The following EHBP1 variants were observed in gnomAD, a reference collection of about 807,000 sequenced individuals.
EHBP1 encodes EH domain binding protein 1.
In EHBP1, 55 loss-of-function variants were observed where a neutral mutation model predicts 144.0. The observed-to-expected ratio is 0.38, with a 90% confidence interval of 0.31 to 0.48. The LOEUF (loss-of-function observed/expected upper bound fraction) is 0.48. Ranked by LOEUF, EHBP1 falls within the 20% of genes least tolerant of loss-of-function variation. The pLI, the probability that EHBP1 is intolerant of heterozygous loss-of-function variation, is 0.98. For missense variants in EHBP1, 1,200 were observed against 1,364.2 expected, an observed-to-expected ratio of 0.88 and a Z score of 1.90; for synonymous variants, 469 against 472.7, an observed-to-expected ratio of 0.99 and a Z score of 0.10.
chr2:62,775,759 A>T (rs979232252), intron 5 of EHBP1, among the ~76,000 whole-genome samples: 1 of 152,210 alleles, frequency 6.6e-6, no homozygotes, highest in Non-Finnish European at 1.5e-5. Flanking sequence ...TGTGAGTCAG[A>T]TATAACCCTA....
In EHBP1 at chr2:63,045,502, C is replaced by CTA; in HGVS notation, c.*2_*3insTA. ...GAGGAGAAATGTGTTCTTCAGTAGC[C>CTA]ATCAGATCAGAAAGAATCTCTCCCA... On this transcript the variant is annotated 3_prime_UTR_variant, in exon 23 of 23. Coordinates refer to ENST00000431489, the MANE Select transcript of EHBP1 (RefSeq NM_001142616.3). The surrounding 1 kb of genome is among the most constrained non-coding windows in gnomAD (Gnocchi z 5.7). The CTA allele has an allele frequency of 1.2e-6, 2 of 1,610,214 alleles. No individual in the cohort carries two copies. Among genetic ancestry groups the CTA allele is most frequent in the Non-Finnish European group, 1.7e-6 (2 of 1,177,174 alleles).
chr2:63,039,718 T>C (rs1327023075), intron 21 of EHBP1, among the ~76,000 whole-genome samples: 1 of 152,200 alleles, frequency 6.6e-6, no homozygotes, highest in Non-Finnish European at 1.5e-5. Flanking sequence ...AGTGAAGCCT[T>C]ATATTCTTAA....
chr2:62,754,789 G>T (rs778171749), intron 3 of EHBP1, among the ~76,000 whole-genome samples: 10 of 152,364 alleles, frequency 6.6e-5, no homozygotes, highest in African/African-American at 1.4e-4. Flanking sequence ...CTCCGAGCCA[G>T]GAGCGGGATA....
At chr2:63,043,852 A>C (rs554082670) in intron 21 of EHBP1, 1 of 126,254 alleles carries the variant, frequency 7.9e-6, no homozygotes, top group Non-Finnish European at 1.5e-5. Flanking sequence ...AAAGGATTGC[A>C]CTTCTCTCTG....
intron 10 of EHBP1, among the ~76,000 whole-genome samples, chr2:62,879,401 A>G (rs1233798998): frequency 6.6e-6 from 1 of 152,212 alleles, no homozygotes; most frequent in Non-Finnish European, 1.5e-5. Flanking sequence ...TTGCTGCTCC[A>G]AAGCTCCTAG....
intron 21 of EHBP1, among the ~76,000 whole-genome samples, chr2:63,040,908 T>G (rs1438293614): frequency 6.6e-6 from 1 of 152,210 alleles, no homozygotes; most frequent in African/African-American, 2.4e-5. Flanking sequence ...TTTTTAAGTG[T>G]TAACACACCA....
rs1172301081 is a variant in EHBP1, at chr2:62,696,637, C to A, written c.-295-10260C>A. 1.3e-5 allele frequency among the ~76,000 whole-genome samples: 2 copies of A among 150,642 alleles called. 1 individual carries two copies. Among genetic ancestry groups the A allele is most frequent in the African/African-American group, 4.9e-5 (2 of 41,024 alleles). The stretch of plus-strand genomic sequence containing the variant: ...CATGCCATTCTCCTGCCTCAGCCTG[C>A]CAAGTAGCTGGGACTACAGGCGCCA... On this transcript the variant is annotated intron_variant, in intron 1 of 22. Coordinates refer to the EHBP1 transcript ENST00000405015.
At chr2:62,844,605 T>G (rs1481504176) in intron 7 of EHBP1, among the ~76,000 whole-genome samples, 1 of 152,138 alleles carries the variant, frequency 6.6e-6, no homozygotes, top group African/African-American at 2.4e-5. Flanking sequence ...ATGATCATCT[T>G]TGGAATTCAT....
chr2:62,961,963 C>T (rs1435400109), intron 14 of EHBP1, among the ~76,000 whole-genome samples: 1 of 151,426 alleles, frequency 6.6e-6, no homozygotes, highest in Non-Finnish European at 1.5e-5. Context: ...GGGAGGCGAA[C>T]GTTGCAATGA....
intron 10 of EHBP1, among the ~76,000 whole-genome samples, chr2:62,912,966 A>C: frequency 6.6e-6 from 1 of 152,186 alleles, no homozygotes; most frequent in East Asian, 1.9e-4. Context: ...AGAGATGCCA[A>C]GTGTGGATAA....
At position 62,948,552 on chromosome 2, in the gene EHBP1, C is replaced by A; in HGVS notation, c.1706C>A (p.Ala569Glu). 1 of 1,614,080 alleles carries A rather than the reference C, an allele frequency of 6.2e-7. No individual in the cohort carries two copies. The highest frequency in any genetic ancestry group is 2.2e-5 in the East Asian group (1 of 44,860). ...EPELQQPISG[A>E]VDFLSQDDSV... ...GAACTACAACAGCCTATCAGCGGAG[C>A]AGTAGACTTCTTATCACAGGATGAC... The change falls in exon 13 of 23, where the codon GCA becomes GAA. Residue 569 changes from alanine (A) to glutamate (E), a missense_variant. Coordinates refer to ENST00000431489, the MANE Select transcript of EHBP1 (RefSeq NM_001142616.3).
intron 10 of EHBP1, among the ~76,000 whole-genome samples, chr2:62,900,688 A>C (rs2053338563): frequency 6.7e-6 from 1 of 149,964 alleles, no homozygotes; most frequent in South Asian, 2.1e-4. Context: ...GTATGTGTAT[A>C]TATATATATA....
At chr2:62,896,844 C>A (rs186259005) in intron 10 of EHBP1, among the ~76,000 whole-genome samples, 2 of 152,142 alleles carry the variant, frequency 1.3e-5, no homozygotes, top group African/African-American at 4.8e-5. Context: ...TGAAACCTCT[C>A]TGGTTAAAGT....
At chr2:62,890,952 G>A (rs1373510267) in intron 10 of EHBP1, among the ~76,000 whole-genome samples, 1 of 152,124 alleles carries the variant, frequency 6.6e-6, no homozygotes, top group Non-Finnish European at 1.5e-5. Context: ...GGCTGAGGCA[G>A]GTAGATCACA....
intron 14 of EHBP1, among the ~76,000 whole-genome samples, chr2:62,978,084 T>A (rs1482181681): frequency 6.6e-6 from 1 of 152,132 alleles, no homozygotes; most frequent in African/African-American, 2.4e-5. Flanking sequence ...TGCAAAGATA[T>A]GTTGGGGCCA....
rs557655634 is a variant in EHBP1 at position 62,687,936 on chromosome 2, A to G, written c.-296+13853A>G. Among the ~76,000 whole-genome samples the G allele has an allele frequency of 9.2e-5, 14 of 152,272 alleles. No homozygotes were observed. In the South Asian group the frequency reaches 2.5e-3, roughly 27 times the overall value. On this transcript the variant is annotated intron_variant, in intron 1 of 22. Transcript: ENST00000405015. The stretch of plus-strand genomic sequence containing the variant: ...AGCTGATAGGTGGCTTCTTTACCAT[A>G]CTGGATAAGTACATTAACTATCAGA...
chr2:62,750,829 AT>A (rs2039625724), intron 3 of EHBP1, among the ~76,000 whole-genome samples: 1 of 152,108 alleles, frequency 6.6e-6, no homozygotes, highest in Non-Finnish European at 1.5e-5. Context: ...TTGCGCATTG[AT>A]TTTGTGTCCT....
At chr2:62,806,171 A>T (rs1232825295) in intron 5 of EHBP1, among the ~76,000 whole-genome samples, 1 of 151,784 alleles carries the variant, frequency 6.6e-6, no homozygotes, top group Non-Finnish European at 1.5e-5. Flanking sequence ...TTTTGTAGAG[A>T]CAGGGTCTCA....
chr2:62,979,344 A>G lies in EHBP1; in HGVS notation c.2608+9A>G. 1 of 1,612,628 alleles carries G rather than the reference A, an allele frequency of 6.2e-7. No homozygotes were observed. The highest frequency in any genetic ancestry group is 8.5e-7 in the Non-Finnish European group (1 of 1,179,152). ...GTCAAAGGCATCTGGAGGTGAGTTAAAGAATCTTCTATCATTCTACAGACA... is the reference window on the plus strand; with the variant it reads ...GTCAAAGGCATCTGGAGGTGAGTTAGAGAATCTTCTATCATTCTACAGACA... On this transcript the variant is annotated intron_variant, in intron 15 of 22. Coordinates refer to ENST00000431489, the MANE Select transcript of EHBP1 (RefSeq NM_001142616.3).
Sources: allele counts gnomAD v4.1 joint callset (sites outside exome capture counted in the v4.1 genomes callset), GRCh38; gene constraint gnomAD v4.1.1; non-coding constraint Gnocchi (gnomAD v3.1); transcripts MANE v1.5; gene names NCBI Gene and HGNC (gene_info 2026-07-23, HGNC 2026-07-21).